BACH2: variants seen among roughly 807,000 people sequenced by gnomAD.
BACH2 encodes transcription regulator protein BACH2.
BACH2 carries 5 observed loss-of-function variants against 61.8 expected under a neutral mutation model. The observed-to-expected ratio is 0.08, with a 90% confidence interval of 0.04 to 0.17. The LOEUF is 0.17. Among genes scored for constraint, BACH2 ranks in the 10% least tolerant of loss-of-function variants. BACH2 has a pLI of 1.00. For synonymous variants in BACH2, 446 were observed against 440.1 expected, an observed-to-expected ratio of 1.01 and a Z score of -0.17; for missense variants, 824 against 1,091.1, an observed-to-expected ratio of 0.76 and a Z score of 3.45.
intron 2 of BACH2, among the ~76,000 whole-genome samples, chr6:90,264,707 A>C (rs1042448004): frequency 6.6e-6 from 1 of 152,216 alleles, no homozygotes; most frequent in Admixed American, 6.5e-5. Flanking sequence ...GTGAAGAGGC[A>C]TTCACAGCCA....
At chr6:90,030,660 G>C (rs1778923870) in intron 5 of BACH2, among the ~76,000 whole-genome samples, 1 of 152,058 alleles carries the variant, frequency 6.6e-6, no homozygotes, top group African/African-American at 2.4e-5. Context: ...CCAGGAACAA[G>C]TTGAATCTCT....
chr6:89,942,004 T>G (rs1408781603), intron 7 of BACH2, among the ~76,000 whole-genome samples: 1 of 151,930 alleles, frequency 6.6e-6, no homozygotes, highest in Non-Finnish European at 1.5e-5. Flanking sequence ...GCAGAGCTGC[T>G]GCAACACAAT....
chr6:90,278,455 C>G (rs143744006), intron 1 of BACH2, among the ~76,000 whole-genome samples: 3 of 152,218 alleles, frequency 2.0e-5, no homozygotes, highest in Admixed American at 6.5e-5. Context: ...GTGCCTCAAC[C>G]GTCTGTTTGC....
intron 5 of BACH2, among the ~76,000 whole-genome samples, chr6:90,016,814 T>C (rs1778091011): frequency 6.6e-6 from 1 of 152,150 alleles, no homozygotes; most frequent in Non-Finnish European, 1.5e-5. Context: ...GGTGTTTTTT[T>C]TTTTTCTTTT....
rs952561723 is a variant in BACH2 at position 90,214,684 on chromosome 6, A to G, written c.-274-8003T>C. On this transcript the variant is annotated intron_variant, in intron 3 of 8. Transcript: ENST00000257749. ...AGAAGAAACTTTCATTAATCTGCAG[A>G]AGAAAACTCTAGTTGGCCTGAAGGT... 3.7e-4 allele frequency among the ~76,000 whole-genome samples: 56 copies of G among 151,690 alleles called. 1 individual carries two copies. The highest frequency in any genetic ancestry group is 3.2e-3 in the Admixed American group (49 of 15,250).
chr6:90,103,016 TATATATATA>T (rs1782727832), intron 4 of BACH2, among the ~76,000 whole-genome samples: 1 of 36,430 alleles, frequency 2.7e-5, no homozygotes, highest in Non-Finnish European at 5.4e-5. Context: ...CATATATATA[TATATATATA>T]TATATTTTTT....
chr6:89,988,189 A>G (rs1419200003), intron 6 of BACH2, among the ~76,000 whole-genome samples: 7 of 152,248 alleles, frequency 4.6e-5, no homozygotes, highest in African/African-American at 2.4e-5. Context: ...CCTATTCAAC[A>G]CAAATCCATC....
chr6:90,194,695 T>C (rs758820684), intron 4 of BACH2, among the ~76,000 whole-genome samples: 1 of 152,206 alleles, frequency 6.6e-6, no homozygotes, highest in African/African-American at 2.4e-5. Flanking sequence ...CCAGCAGCTT[T>C]AAGCAGGTGC....
At chr6:89,987,534 C>A (rs1172347490) in intron 6 of BACH2, among the ~76,000 whole-genome samples, 1 of 152,042 alleles carries the variant, frequency 6.6e-6, no homozygotes, top group Non-Finnish European at 1.5e-5. Flanking sequence ...TAACAGGCTA[C>A]CATGTAAAGA....
chr6:90,078,159 C>A (rs904868921), intron 5 of BACH2, among the ~76,000 whole-genome samples: 6 of 152,182 alleles, frequency 3.9e-5, no homozygotes, highest in African/African-American at 1.4e-4. Context: ...TGGGGAATTA[C>A]ACCACCATGG....
intron 6 of BACH2, among the ~76,000 whole-genome samples, chr6:89,990,783 A>T (rs2128365297): frequency 6.6e-6 from 1 of 152,314 alleles, no homozygotes; most frequent in African/African-American, 2.4e-5. Context: ...GCTGATCACT[A>T]ACTTAGGTAT....
intron 3 of BACH2, among the ~76,000 whole-genome samples, chr6:90,250,771 T>G (rs1431755053): frequency 6.6e-6 from 1 of 152,214 alleles, no homozygotes; most frequent in Non-Finnish European, 1.5e-5. Context: ...CTGAGTTATA[T>G]ACTCAAAAAT....
At chr6:90,038,788 C>T (rs1265615287) in intron 5 of BACH2, among the ~76,000 whole-genome samples, 1 of 152,038 alleles carries the variant, frequency 6.6e-6, no homozygotes, top group African/African-American at 2.4e-5. Context: ...CTTGTAATCC[C>T]AGCACTTTGG....
At chr6:90,296,293 G>T (rs1329823873) in intron 1 of BACH2, among the ~76,000 whole-genome samples, 187 bp downstream of exon 1, 1 of 151,614 alleles carries the variant, frequency 6.6e-6, no homozygotes, top group East Asian at 2.0e-4. Context: ...CCCCCTTCCC[G>T]TTCCTAGAAA....
At chr6:90,280,477 T>C (rs1394756785) in intron 1 of BACH2, among the ~76,000 whole-genome samples, 1 of 152,210 alleles carries the variant, frequency 6.6e-6, no homozygotes, top group Non-Finnish European at 1.5e-5. Context: ...GTGTTTTAAA[T>C]TGATAATGTC....
rs77496686 is a variant in BACH2, at chr6:89,929,539, A to T, written c.*2869T>A. On this transcript the variant is annotated 3_prime_UTR_variant, in exon 9 of 9. Coordinates refer to ENST00000257749, the MANE Select transcript of BACH2 (RefSeq NM_021813.4). Reference sequence around the variant, plus strand: ...AATAACTTGTGAGAAATCTCTATGAAATTGGAAGATGGTTTTTAGAGCAGT... The same window carrying T: ...AATAACTTGTGAGAAATCTCTATGATATTGGAAGATGGTTTTTAGAGCAGT... 1 of 152,336 alleles carries T rather than the reference A, an allele frequency of 6.6e-6. No individual in the cohort carries two copies. The highest frequency in any genetic ancestry group is 2.4e-5 in the African/African-American group (1 of 41,436). 9.4% of individuals were successfully genotyped at this position (152,336 alleles called of 1,614,324 possible).
In BACH2 at chr6:90,223,673, C is replaced by T. The variant is rs1172559072; in HGVS notation, c.-274-16992G>A. On this transcript the variant is annotated intron_variant, in intron 3 of 8. Transcript: ENST00000257749. ...TTTTTTAAGTAGAGATAGGGTTTTG[C>T]CATGTTGCCCAGGATGGTCTTGAAA... Among the ~76,000 whole-genome samples the T allele has an allele frequency of 2.0e-5, 3 of 151,950 alleles. No individual in the cohort carries two copies. In the East Asian group the frequency reaches 5.8e-4, roughly 29 times the overall value.
intron 3 of BACH2, among the ~76,000 whole-genome samples, chr6:90,234,572 T>G (rs928294701): frequency 3.3e-5 from 5 of 152,182 alleles, no homozygotes; most frequent in African/African-American, 1.2e-4. Flanking sequence ...TGGAAAGCAG[T>G]ACAAATTTTA....
intron 5 of BACH2, among the ~76,000 whole-genome samples, chr6:90,035,725 A>T (rs577014808): frequency 3.3e-5 from 5 of 152,166 alleles, no homozygotes; most frequent in South Asian, 2.1e-4. Flanking sequence ...GTGAAAAAAC[A>T]GTTTCATTTC....
Sources: allele counts gnomAD v4.1 joint callset (sites outside exome capture counted in the v4.1 genomes callset), GRCh38; gene constraint gnomAD v4.1.1; transcripts MANE v1.5; gene names NCBI Gene and HGNC (gene_info 2026-07-23, HGNC 2026-07-21).